RPS15: variants seen among roughly 807,000 people sequenced by gnomAD.
RPS15 encodes ribosomal protein S15.
In RPS15, 5 loss-of-function variants were observed where a neutral mutation model predicts 14.9. That is an observed-to-expected ratio of 0.34 (90% CI 0.18 to 0.70). RPS15 has a LOEUF of 0.70. RPS15 is among the 30% of genes least tolerant of loss of function. The probability of loss-of-function intolerance (pLI) is 0.65; values close to 1 mark genes in which losing one functional copy is unlikely to be tolerated. For synonymous variants in RPS15, 103 were observed against 85.0 expected, an observed-to-expected ratio of 1.21 and a Z score of -1.16; for missense variants, 102 against 204.2, an observed-to-expected ratio of 0.50 and a Z score of 3.05.
In RPS15 at chr19:1,438,497, G is replaced by C; in HGVS notation, c.3+69G>C. On this transcript the variant is annotated intron_variant, in intron 1 of 3. Coordinates refer to ENST00000592588, the MANE Select transcript of RPS15 (RefSeq NM_001018.5). This position sits in a 1 kb window ranked among gnomAD's most constrained non-coding sequence, Gnocchi z 4.8. ...TCCATCCAACCTCTGACCGTCTCGC[G>C]GGGGCCGCAGTTCGTCCCCGCGGCT... The C allele has an allele frequency of 6.2e-7, 1 of 1,611,438 alleles. No homozygotes were observed. Among genetic ancestry groups the C allele is most frequent in the African/African-American group, 1.3e-5 (1 of 74,998 alleles).
At chr19:1,439,623 G>A (rs1045453541) in intron 2 of RPS15, 164 of 501,222 alleles carry the variant, frequency 3.3e-4, no homozygotes, top group Non-Finnish European at 5.5e-4. Flanking sequence ...TTGAACTCCT[G>A]GGCTCAAGCG....
At chr19:1,439,930 G>A in intron 2 of RPS15, 89 bp from the exon 3 acceptor site, 2 of 1,106,422 alleles carry the variant, frequency 1.8e-6, no homozygotes, top group Non-Finnish European at 2.6e-6. Flanking sequence ...TCCCTGGAGA[G>A]AACCAAGCCT....
At position 1,438,432 on chromosome 19, in the gene RPS15, A is replaced by G; in HGVS notation, c.3+4A>G. ...CTTCTGAGGATCCGGCAAGATGGTGAGTGTTGCGATTTGGCGCGTCTCTGC... is the reference window on the plus strand; with the variant it reads ...CTTCTGAGGATCCGGCAAGATGGTGGGTGTTGCGATTTGGCGCGTCTCTGC... On this transcript the variant is annotated splice_donor_region_variant and intron_variant, in intron 1 of 3. Transcript: ENST00000592588. The surrounding 1 kb of genome is among the most constrained non-coding windows in gnomAD (Gnocchi z 4.8). 6 of 1,613,400 alleles carry G rather than the reference A, an allele frequency of 3.7e-6. No individual in the cohort carries two copies. The highest frequency in any genetic ancestry group is 5.1e-6 in the Non-Finnish European group (6 of 1,179,890).
At position 1,438,424 on chromosome 19, in the gene RPS15, A is replaced by G. The variant is rs1294115589; in HGVS notation, c.-2A>G. The G allele has an allele frequency of 1.9e-6, 3 of 1,613,350 alleles. No homozygotes were observed. The highest frequency in any genetic ancestry group is 2.5e-6 in the Non-Finnish European group (3 of 1,179,902). On this transcript the variant is annotated 5_prime_UTR_variant, in exon 1 of 4. Transcript: ENST00000592588. This position sits in a 1 kb window ranked among gnomAD's most constrained non-coding sequence, Gnocchi z 4.8. The stretch of plus-strand genomic sequence containing the variant: ...AGCGATCTCTTCTGAGGATCCGGCA[A>G]GATGGTGAGTGTTGCGATTTGGCGC...
chr19:1,438,749 G>T lies in RPS15; in HGVS notation c.4-58G>T, dbSNP rs564942317. On this transcript the variant is annotated intron_variant, in intron 1 of 3. Transcript: ENST00000592588. The surrounding 1 kb of genome is among the most constrained non-coding windows in gnomAD (Gnocchi z 4.8). ...CGTCTTCCGCGGTGTCCTCGGGCCC[G>T]GTGGCCCCGGGAGATGGGTGTCGGG... 3.0e-4 allele frequency: 458 copies of T among 1,548,546 alleles called. 1 individual carries two copies. Among genetic ancestry groups the T allele is most frequent in the Non-Finnish European group, 1.2e-5 (14 of 1,144,722 alleles).
At position 1,438,514 on chromosome 19, in the gene RPS15, CCCGCGGCTA is replaced by C; in HGVS notation, c.3+88_3+96del. On this transcript the variant is annotated intron_variant, in intron 1 of 3. Transcript: ENST00000592588. The surrounding 1 kb of genome is among the most constrained non-coding windows in gnomAD (Gnocchi z 4.8). ...CGTCTCGCGGGGGCCGCAGTTCGTC[CCCGCGGCTA>C]CGGCGGCTTGCTCCCGACCCTGCAG... 1 of 1,607,938 alleles carries C rather than the reference CCCGCGGCTA, an allele frequency of 6.2e-7. No homozygotes were observed. The highest frequency in any genetic ancestry group is 8.5e-7 in the Non-Finnish European group (1 of 1,177,560).
chr19:1,439,798 A>G (rs1166809592), intron 2 of RPS15: 1 of 626,022 alleles, frequency 1.6e-6, no homozygotes, highest in African/African-American at 1.8e-5. Flanking sequence ...GAATCTCTGC[A>G]GTCACACGGT....
rs1257438498 is a variant in RPS15, at chr19:1,440,488, G to A, written c.*26G>A. On this transcript the variant is annotated 3_prime_UTR_variant, in exon 4 of 4. Coordinates refer to ENST00000592588, the MANE Select transcript of RPS15 (RefSeq NM_001018.5). The stretch of plus-strand genomic sequence containing the variant: ...TGGCTCAGCTAATAAAGGCGCACAT[G>A]ACTCCAGTCCTTTGCGCAGCTTGTT... The A allele has an allele frequency of 1.3e-6, 2 of 1,548,776 alleles. No homozygotes were observed. Among genetic ancestry groups the A allele is most frequent in the Non-Finnish European group, 8.9e-7 (1 of 1,120,484 alleles).
intron 3 of RPS15, 29 bp from the exon 4 acceptor site, chr19:1,440,320 C>T: frequency 6.2e-7 from 1 of 1,610,584 alleles, no homozygotes. Context: ...GATCAGCTGA[C>T]ACCCAGCTTT....
chr19:1,438,979 G>T lies in RPS15; in HGVS notation c.89+87G>T, dbSNP rs955726715. 244 of 1,064,258 alleles carry T rather than the reference G, an allele frequency of 2.3e-4. No individual in the cohort carries two copies. Among genetic ancestry groups the T allele is most frequent in the Non-Finnish European group, 3.2e-4 (234 of 738,018 alleles). 65.9% of individuals were successfully genotyped at this position (1,064,258 alleles called of 1,614,324 possible). A position where few individuals can be genotyped will look rare whatever the true frequency, so the allele number is the denominator to read the frequency against. ...AGGGCGGCGGGGCGGGGGTCCAAGC[G>T]CCTCTGCGGCGGTGGGCGGGCACGG... is the stretch of plus-strand genomic sequence containing the variant. On this transcript the variant is annotated intron_variant, in intron 2 of 3. Coordinates refer to ENST00000592588, the MANE Select transcript of RPS15 (RefSeq NM_001018.5). This position sits in a 1 kb window ranked among gnomAD's most constrained non-coding sequence, Gnocchi z 4.8.
At chr19:1,439,308 G>A (rs1600266964) in intron 2 of RPS15, 1 of 188,312 alleles carries the variant, frequency 5.3e-6, no homozygotes, top group South Asian at 1.0e-4. Flanking sequence ...TGTCGCCCAG[G>A]CTGGAGTGCA....
In RPS15 at chr19:1,440,429, C is replaced by T. The variant is rs754173493; in HGVS notation, c.405C>T (p.Ala135=). Residue 135 remains alanine (A), a synonymous_variant, in exon 4 of 4, where the codon GCC becomes GCT. Transcript: ENST00000592588. ...PVKHGRPGIG[A]THSSRFIPLK ...AGCATGGCCGGCCCGGCATCGGGGC[C>T]ACCCACTCCTCCCGCTTCATCCCTC... 1.2e-6 allele frequency: 2 copies of T among 1,613,920 alleles called. No individual in the cohort carries two copies. The highest frequency in any genetic ancestry group is 1.7e-5 in the Admixed American group (1 of 60,028).
At chr19:1,439,755 G>C in intron 2 of RPS15, 1 of 610,086 alleles carries the variant, frequency 1.6e-6, no homozygotes, top group Non-Finnish European at 2.9e-6. Context: ...CACCTTGTCT[G>C]AGGCTGTGGT....
chr19:1,438,530 C>A lies in RPS15; in HGVS notation c.3+102C>A, dbSNP rs1230614867. The A allele has an allele frequency of 3.7e-6, 6 of 1,600,628 alleles. No homozygotes were observed. In the African/African-American group the frequency reaches 6.7e-5, roughly 18 times the overall value. On this transcript the variant is annotated intron_variant, in intron 1 of 3. Transcript: ENST00000592588. This position sits in a 1 kb window ranked among gnomAD's most constrained non-coding sequence, Gnocchi z 4.8. ...CAGTTCGTCCCCGCGGCTACGGCGG[C>A]TTGCTCCCGACCCTGCAGGCGGCTG... is the stretch of plus-strand genomic sequence containing the variant.
rs1294021256 is a variant in RPS15, at chr19:1,440,032, C to G, written c.103C>G (p.Gln35Glu). The change falls in exon 3 of 4, where the codon CAG becomes GAG. Residue 35 changes from glutamine to glutamate, a missense_variant. This residue lies in a region of RPS15 where 70 missense variants were observed against 96.8 expected (regional missense o/e 0.72). Transcript: ENST00000592588. Reference sequence around the variant, plus strand: ...CATCCTCCCCAGCGAGCAGCTGATGCAGCTGTACAGTGCGCGCCAGCGGCG... The same window carrying G: ...CATCCTCCCCAGCGAGCAGCTGATGGAGCTGTACAGTGCGCGCCAGCGGCG... ...LLDMSYEQLM[Q>E]LYSARQRRRL... 1.3e-6 allele frequency: 2 copies of G among 1,552,400 alleles called. No homozygotes were observed. The highest frequency in any genetic ancestry group is 2.0e-5 in the Admixed American group (1 of 51,108).
chr19:1,440,333 T>C lies in RPS15; in HGVS notation c.325-16T>C. ...GGGATCAGCTGACACCCAGCTTTGC[T>C]CTTGGTCTCCCGCAGCCCGAGATGA... On this transcript the variant is annotated splice_polypyrimidine_tract_variant and intron_variant, in intron 3 of 3. Transcript: ENST00000592588. The C allele has an allele frequency of 3.7e-6, 6 of 1,613,268 alleles. No individual in the cohort carries two copies. The highest frequency in any genetic ancestry group is 5.1e-6 in the Non-Finnish European group (6 of 1,179,466).
In RPS15 at chr19:1,438,607, G is replaced by A. The variant is rs1462020427; in HGVS notation, c.3+179G>A. ...TGGGTGTCGGGACGACGCGGGGCTG[G>A]GAAGGCCTGTCCGGGCCTTCATGTC... On this transcript the variant is annotated intron_variant, in intron 1 of 3. Coordinates refer to ENST00000592588, the MANE Select transcript of RPS15 (RefSeq NM_001018.5). This position sits in a 1 kb window ranked among gnomAD's most constrained non-coding sequence, Gnocchi z 4.8. The A allele has an allele frequency of 3.9e-6, 6 of 1,540,362 alleles. No homozygotes were observed. Among genetic ancestry groups the A allele is most frequent in the Non-Finnish European group, 5.3e-6 (6 of 1,140,180 alleles).
intron 2 of RPS15, 90 bp from the exon 3 acceptor site, chr19:1,439,929 A>C (rs2083639701): frequency 9.2e-7 from 1 of 1,085,168 alleles, no homozygotes. Flanking sequence ...GTCCCTGGAG[A>C]GAACCAAGCC....
Position 1,438,947 on chromosome 19 carries a change from C to A in RPS15, c.89+55C>A. On this transcript the variant is annotated intron_variant, in intron 2 of 3. Coordinates refer to ENST00000592588, the MANE Select transcript of RPS15 (RefSeq NM_001018.5). The surrounding 1 kb of genome is among the most constrained non-coding windows in gnomAD (Gnocchi z 4.8). ...GGGCTGGGCCAGCGGTGGGGCTTGT[C>A]CGGGTGAGGGCGGCGGGGCGGGGGT... 1.4e-6 allele frequency: 2 copies of A among 1,466,642 alleles called. No homozygotes were observed. The highest frequency in any genetic ancestry group is 1.2e-5 in the South Asian group (1 of 82,020). 90.9% of individuals were successfully genotyped at this position (1,466,642 alleles called of 1,614,324 possible). A position where few individuals can be genotyped will look rare whatever the true frequency, so the allele number is the denominator to read the frequency against.
Sources: gnomAD v4.1 joint callset for allele counts on GRCh38, gnomAD v4.1.1 for gene constraint, gnomAD v4.1.1 regional missense constraint, Gnocchi (gnomAD v3.1) non-coding constraint, MANE v1.5 for transcripts, NCBI Gene and HGNC (gene_info 2026-07-23, HGNC 2026-07-21) for gene names.